The following PCDH18 variants were observed in gnomAD, a reference collection of about 807,000 sequenced individuals.
PCDH18 encodes the protein protocadherin 18.
In PCDH18, 38 loss-of-function variants were observed where a neutral mutation model predicts 71.5. That is an observed-to-expected ratio of 0.53 (90% CI 0.41 to 0.70). The LOEUF (loss-of-function observed/expected upper bound fraction) is 0.70. Among genes scored for constraint, PCDH18 ranks in the 30% least tolerant of loss-of-function variants. PCDH18 has a pLI of 0.00. For missense variants in PCDH18, 1,334 were observed against 1,384.6 expected (o/e 0.96, Z 0.58); for synonymous variants, 565 against 505.4 (o/e 1.12, Z -1.58).
chr4:137,525,223 A>T (rs983333338), intron 3 of PCDH18, among the ~76,000 whole-genome samples: 19 of 152,192 alleles, frequency 1.2e-4, no homozygotes, highest in Non-Finnish European at 4.4e-5. Flanking sequence ...AGACAAAAAA[A>T]TGCATACCAA....
At chr4:137,525,905 ACTC>A (rs1325555329) in intron 3 of PCDH18, among the ~76,000 whole-genome samples, 3 of 152,032 alleles carry the variant, frequency 2.0e-5, no homozygotes, top group East Asian at 1.9e-4. Flanking sequence ...ATAAAGGTGA[ACTC>A]CTAATTTTGA....
At position 137,531,537 on chromosome 4, in the gene PCDH18, G is replaced by T. The variant is rs1296945500; in HGVS notation, c.552C>A (p.Ile184=). ...YSLSANDFFN[I]EVRTRTDGAK... ...CTCCATCAGTCCTGGTCCGAACCTC[G>T]ATATTAAAAAAATCATTGGCAGAGA... The change falls in exon 1 of 4, where the codon ATC becomes ATA. Residue 184 remains isoleucine, a synonymous_variant. Transcript: ENST00000344876. 1 of 1,613,164 alleles carries T rather than the reference G, an allele frequency of 6.2e-7. No homozygotes were observed. Among genetic ancestry groups the T allele is most frequent in the Non-Finnish European group, 8.5e-7 (1 of 1,179,598 alleles).
chr4:137,530,783 T>C lies in PCDH18; in HGVS notation c.1306A>G (p.Ile436Val), dbSNP rs1177655294. 1 of 1,612,200 alleles carries C rather than the reference T, an allele frequency of 6.2e-7. No homozygotes were observed. The highest frequency in any genetic ancestry group is 8.5e-7 in the Non-Finnish European group (1 of 1,178,340). Residue 436 changes from isoleucine to valine, a missense_variant, in exon 1 of 4, where the codon ATC (isoleucine) becomes GTC (valine). This residue lies in a region of PCDH18 where 1,011 missense variants were observed against 1,048.0 expected (regional missense o/e 0.96). Coordinates refer to ENST00000344876, the MANE Select transcript of PCDH18 (RefSeq NM_019035.5). ...EKRSEYSLTV[I>V]AEDRGTPSLS... ...CTGGGTGTCCCCCTGTCCTCAGCGATTACAGTCAAACTATACTCAGATCTC... is the reference window on the plus strand; with the variant it reads ...CTGGGTGTCCCCCTGTCCTCAGCGACTACAGTCAAACTATACTCAGATCTC...
intron 1 of PCDH18, 153 bp from the exon 2 acceptor site, chr4:137,528,973 C>T (rs1284028960): frequency 4.8e-6 from 3 of 624,470 alleles, no homozygotes; most frequent in African/African-American, 3.7e-5. Flanking sequence ...CTGTGGCGGA[C>T]CACGCAGCCA....
chr4:137,525,571 T>C (rs1731425701), intron 3 of PCDH18, among the ~76,000 whole-genome samples: 1 of 152,144 alleles, frequency 6.6e-6, no homozygotes. Flanking sequence ...ATCAAAATTA[T>C]ACTCATAAAT....
In PCDH18 at chr4:137,531,735, C is replaced by G. The variant is rs1313913822; in HGVS notation, c.354G>C (p.Leu118=). Residue 118 remains leucine (L), a synonymous_variant, in exon 1 of 4, where the codon CTG becomes CTC. Coordinates refer to ENST00000344876, the MANE Select transcript of PCDH18 (RefSeq NM_019035.5). ...FDVITLPTEH[L]QLFHIEVEVL... ...CTTCAACTTCAATATGGAAAAGCTG[C>G]AGATGCTCTGTGGGTAGAGTGATCA... 1.9e-6 allele frequency: 3 copies of G among 1,613,876 alleles called. No homozygotes were observed. Among genetic ancestry groups the G allele is most frequent in the Non-Finnish European group, 2.5e-6 (3 of 1,179,928 alleles).
intron 3 of PCDH18, among the ~76,000 whole-genome samples, chr4:137,521,931 G>A (rs1262991223): frequency 6.6e-6 from 1 of 152,010 alleles, no homozygotes; most frequent in African/African-American, 2.4e-5. Context: ...TTATTGATCA[G>A]GTAAGAATAT....
chr4:137,530,073 CAGA>C lies in PCDH18; in HGVS notation c.2013_2015del (p.Leu672del). The C allele has an allele frequency of 6.2e-7, 1 of 1,614,072 alleles. No homozygotes were observed. Among genetic ancestry groups the C allele is most frequent in the Middle Eastern group, 1.7e-4 (1 of 6,060 alleles). ...CTGCATATTCAAAGATCATGCACTT[CAGA>C]AGGACTTTGGTATGTAGCTGAGGAT... On this transcript the variant is annotated inframe_deletion, in exon 1 of 4. Transcript: ENST00000344876.
chr4:137,523,374 A>G (rs1731358724), intron 3 of PCDH18, among the ~76,000 whole-genome samples: 1 of 152,052 alleles, frequency 6.6e-6, no homozygotes, highest in African/African-American at 2.4e-5. Context: ...ATGAAACAAA[A>G]GGGGTTGAAA....
intron 3 of PCDH18, among the ~76,000 whole-genome samples, chr4:137,524,189 G>C (rs934125468): frequency 2.3e-4 from 35 of 152,100 alleles, no homozygotes; most frequent in African/African-American, 7.7e-4. Context: ...CTGGGGAGGG[G>C]GACCATGGTG....
chr4:137,519,110 C>T lies in PCDH18; in HGVS notation c.*1919G>A, dbSNP rs1223044802. 1.3e-5 allele frequency: 2 copies of T among 152,040 alleles called. No individual in the cohort carries two copies. Among genetic ancestry groups the T allele is most frequent in the Non-Finnish European group, 1.5e-5 (1 of 68,000 alleles). The allele number at this position is 152,040 out of a possible 1,614,324, so 9.4% of individuals were successfully genotyped here. On this transcript the variant is annotated 3_prime_UTR_variant, in exon 4 of 4. Coordinates refer to ENST00000344876, the MANE Select transcript of PCDH18 (RefSeq NM_019035.5). ...GCAGAATGCATTTAAATATGGTTAG[C>T]GTTTGTGTGTGTAATCTACTGAAAA...
chr4:137,527,533 C>G (rs1167898617), intron 3 of PCDH18, among the ~76,000 whole-genome samples: 1 of 152,136 alleles, frequency 6.6e-6, no homozygotes, highest in African/African-American at 2.4e-5. Flanking sequence ...CTGTCTGAGG[C>G]TCCCTCATGT....
Position 137,525,796 on chromosome 4 carries a change from A to G in PCDH18, c.2740+2682T>C, listed in dbSNP as rs531844568. On this transcript the variant is annotated intron_variant, in intron 3 of 3. Transcript: ENST00000344876. ...GTAACACAATGTTATGCACAAGCAA[A>G]ATAACTCTCCAGCCACACCCATGGT... is the stretch of plus-strand genomic sequence containing the variant. 1.2e-4 allele frequency among the ~76,000 whole-genome samples: 18 copies of G among 152,224 alleles called. No homozygotes were observed. The East Asian group carries it at 3.5e-3, about 29-fold the overall frequency.
intron 3 of PCDH18, among the ~76,000 whole-genome samples, chr4:137,522,252 C>T (rs1033679849): frequency 6.6e-6 from 1 of 151,436 alleles, no homozygotes; most frequent in Non-Finnish European, 1.5e-5. Context: ...GAAAAGTATC[C>T]TCAGCTACTG....
At chr4:137,529,071 C>T (rs1731566853) in intron 1 of PCDH18, 1 of 463,644 alleles carries the variant, frequency 2.2e-6, no homozygotes, top group Non-Finnish European at 3.8e-6. Context: ...GACTCCCTTT[C>T]AAATAACTGA....
At position 137,521,758 on chromosome 4, in the gene PCDH18, A is replaced by G. The variant is rs1731310793; in HGVS notation, c.2741-62T>C. On this transcript the variant is annotated intron_variant, in intron 3 of 3. Coordinates refer to ENST00000344876, the MANE Select transcript of PCDH18 (RefSeq NM_019035.5). ...ACTTAGCACGATTCAAAATGATGCA[A>G]AAATGCAATTTTATAATAAAAATAG... The G allele has an allele frequency of 1.0e-5, 13 of 1,268,258 alleles. No individual in the cohort carries two copies. In the East Asian group the frequency reaches 3.1e-4, roughly 30 times the overall value. The allele number at this position is 1,268,258 out of a possible 1,614,324, so 78.6% of individuals were successfully genotyped here.
At chr4:137,525,637 C>A (rs111405175) in intron 3 of PCDH18, among the ~76,000 whole-genome samples, 1,909 of 152,152 alleles carry the variant, frequency 0.013, 44 homozygotes, top group African/African-American at 0.043. Context: ...TCTACAGTAG[C>A]CAAACATGAA....
At chr4:137,524,388 C>A (rs1249486589) in intron 3 of PCDH18, among the ~76,000 whole-genome samples, 1 of 152,030 alleles carries the variant, frequency 6.6e-6, no homozygotes, top group South Asian at 2.1e-4. Flanking sequence ...GCACCCTGCC[C>A]TCAAAAGTTG....
At position 137,521,364 on chromosome 4, in the gene PCDH18, C is replaced by T. The variant is rs1273606151; in HGVS notation, c.3073G>A (p.Glu1025Lys). The T allele has an allele frequency of 1.2e-6, 2 of 1,614,182 alleles. No individual in the cohort carries two copies. The highest frequency in any genetic ancestry group is 3.3e-5 in the Admixed American group (2 of 60,026). ...TTGGACCGATCCACCTCACTGCATT[C>T]AGAATAGGTGTCCAGGGAAGGCGGT... ...LLPPSLDTYS[E>K]CSEVDRSNSL... Residue 1025 changes from glutamate (E) to lysine (K), a missense_variant, in exon 4 of 4, where the codon GAA (glutamate) becomes AAA (lysine). By Grantham distance (56) the Glu-to-Lys change is moderately conservative. Around this residue, in one of 3 missense-constraint regions of PCDH18, gnomAD observed 319 missense variants for 316.3 expected, o/e 1.01. Coordinates refer to ENST00000344876, the MANE Select transcript of PCDH18 (RefSeq NM_019035.5).
Sources: gnomAD v4.1 joint callset for allele counts (sites outside exome capture counted in the v4.1 genomes callset) on GRCh38, gnomAD v4.1.1 for gene constraint, gnomAD v4.1.1 regional missense constraint, MANE v1.5 for transcripts, NCBI Gene and HGNC (gene_info 2026-07-23, HGNC 2026-07-21) for gene names.